Variants in ERCC6L2 observed in about 807,000 individuals in gnomAD.
ERCC6L2 encodes the protein DNA excision repair protein ERCC-6-like 2.
ERCC6L2 carries 77 observed loss-of-function variants against 132.0 expected under a neutral mutation model. The ratio of observed to expected loss-of-function variants is 0.58; its 90% CI spans 0.49 to 0.71. The LOEUF is 0.71. Among genes scored for constraint, ERCC6L2 ranks in the 30% least tolerant of loss-of-function variants. The pLI is 0.00. For synonymous variants in ERCC6L2, 583 were observed against 632.4 expected (o/e 0.92, Z 1.17); for missense variants, 1,542 against 1,837.6 (o/e 0.84, Z 2.94).
chr9:95,907,857 C>CACAAACACACA, intron 4 of ERCC6L2, among the ~76,000 whole-genome samples: 1 of 133,740 alleles, frequency 7.5e-6, no homozygotes, highest in Non-Finnish European at 1.6e-5. Context: ...ACACACACAC[C>CACAAACACACA]CCCACACCCA....
intron 20 of ERCC6L2, among the ~76,000 whole-genome samples, chr9:96,040,925 T>C (rs1273013773): frequency 6.6e-6 from 1 of 152,230 alleles, no homozygotes; most frequent in African/African-American, 2.4e-5. Flanking sequence ...TTGTTTGTCT[T>C]GAGGGAAGTT....
chr9:95,940,359 A>G (rs985650196), intron 11 of ERCC6L2, among the ~76,000 whole-genome samples: 2 of 151,900 alleles, frequency 1.3e-5, no homozygotes, highest in African/African-American at 2.4e-5. Flanking sequence ...ATATATTTTT[A>G]TAGTCTGTGA....
At chr9:95,924,331 G>A (rs867033617) in intron 9 of ERCC6L2, among the ~76,000 whole-genome samples, 1 of 151,714 alleles carries the variant, frequency 6.6e-6, no homozygotes, top group Non-Finnish European at 1.5e-5. Flanking sequence ...AAAGACTATT[G>A]CATTAAAAAC....
intron 19 of ERCC6L2, among the ~76,000 whole-genome samples, chr9:96,036,760 A>AT (rs199913565): frequency 1.4e-4 from 14 of 102,534 alleles, no homozygotes; most frequent in East Asian, 6.0e-4. Context: ...TATTATTATT[A>AT]TTATTTTTAT....
chr9:95,993,326 A>G (rs1833364441), intron 17 of ERCC6L2, among the ~76,000 whole-genome samples: 1 of 152,216 alleles, frequency 6.6e-6, no homozygotes, highest in Non-Finnish European at 1.5e-5. Context: ...TGTAGGAGGA[A>G]TTAAAGGGAA....
In ERCC6L2 at chr9:95,941,519, A is replaced by G. The variant is rs2132878154; in HGVS notation, c.1817A>G (p.Asn606Ser). The G allele has an allele frequency of 6.2e-7, 1 of 1,613,078 alleles. No homozygotes were observed. Among genetic ancestry groups the G allele is most frequent in the Non-Finnish European group, 8.5e-7 (1 of 1,179,444 alleles). The change falls in exon 12 of 19, where the codon AAT (asparagine) becomes AGT (serine). Residue 606 changes from asparagine (N) to serine (S), a missense_variant. By Grantham distance (46) the Asn-to-Ser change is conservative. Transcript: ENST00000653738. Reference sequence around the variant, plus strand: ...GTTGTATTATTTGATCCTACTTGGAATCCAGCCAATGATCTTCAAGCCATT... The same window carrying G: ...GTTGTATTATTTGATCCTACTTGGAGTCCAGCCAATGATCTTCAAGCCATT... The part of the protein sequence containing the change: ...NVVVLFDPTW[N>S]PANDLQAIDR...
chr9:96,003,616 G>C (rs1564298038), intron 17 of ERCC6L2, among the ~76,000 whole-genome samples: 2 of 152,084 alleles, frequency 1.3e-5, no homozygotes, highest in Admixed American at 1.3e-4. Context: ...ATTTCCACAT[G>C]GGTGCTATAG....
At chr9:95,983,694 T>G (rs1007942342) in intron 17 of ERCC6L2, among the ~76,000 whole-genome samples, 1 of 152,246 alleles carries the variant, frequency 6.6e-6, no homozygotes, top group Admixed American at 6.5e-5. Context: ...TTAGGAATTC[T>G]GAATTTTTAT....
rs1834501621 is a variant in ERCC6L2 at position 96,034,823 on chromosome 9, C to T, written c.*1504-4053C>T. On this transcript the variant is annotated intron_variant and NMD_transcript_variant, in intron 19 of 20. Transcript: ENST00000670016. The stretch of plus-strand genomic sequence containing the variant: ...CTGTGGACCCGAGCCTCTCTGTGCT[C>T]TTGGAGGGAGCCAGGAGCAGGCAGG... Among the ~76,000 whole-genome samples the T allele has an allele frequency of 2.0e-5, 3 of 152,134 alleles. No homozygotes were observed. In the East Asian group the frequency reaches 5.8e-4, roughly 30 times the overall value.
At chr9:95,907,961 G>T (rs892282187) in intron 4 of ERCC6L2, among the ~76,000 whole-genome samples, 2 of 151,874 alleles carry the variant, frequency 1.3e-5, no homozygotes, top group African/African-American at 4.8e-5. Context: ...GTATTGGAAG[G>T]TACTTTGAGG....
intron 2 of ERCC6L2, among the ~76,000 whole-genome samples, chr9:95,885,075 C>T (rs1325354414): frequency 2.0e-5 from 3 of 152,144 alleles, no homozygotes; most frequent in African/African-American, 7.2e-5. Flanking sequence ...AATGGAGTCA[C>T]ATAATAACTA....
chr9:95,893,982 G>A (rs1828306961), intron 2 of ERCC6L2, among the ~76,000 whole-genome samples: 2 of 152,072 alleles, frequency 1.3e-5, no homozygotes, highest in African/African-American at 2.4e-5. Flanking sequence ...GACTTACAGT[G>A]GGGTTATGTC....
rs564213783 is a variant in ERCC6L2, at chr9:95,965,685, A to G, written c.1948-877A>G. Among the ~76,000 whole-genome samples, 21 of 151,976 alleles carry G rather than the reference A, an allele frequency of 1.4e-4. No individual in the cohort carries two copies. The South Asian group carries it at 2.9e-3, about 21-fold the overall frequency. The stretch of plus-strand genomic sequence containing the variant: ...CATGCCCAGCTAATTTTTGTATTTT[A>G]GTAGAGAAGGGGTTTCACCACGTCG... On this transcript the variant is annotated intron_variant, in intron 13 of 18. Coordinates refer to ENST00000653738, the MANE Select transcript of ERCC6L2 (RefSeq NM_020207.7).
At chr9:95,986,627 G>C (rs988628324) in intron 17 of ERCC6L2, among the ~76,000 whole-genome samples, 1 of 151,458 alleles carries the variant, frequency 6.6e-6, no homozygotes, top group Admixed American at 6.6e-5. Flanking sequence ...CTCCTGAGTA[G>C]CTGGGACTAC....
chr9:96,016,162 C>T lies in ERCC6L2; in HGVS notation c.*2959C>T, dbSNP rs570982599. ...AGCAAATCCCTTACCTCCTTTTAGC[C>T]TTAGTTTCCCCTTTAAATTGGTGAT... is the stretch of plus-strand genomic sequence containing the variant. On this transcript the variant is annotated 3_prime_UTR_variant, in exon 19 of 19. Coordinates refer to ENST00000653738, the MANE Select transcript of ERCC6L2 (RefSeq NM_020207.7). Among the ~76,000 whole-genome samples the T allele has an allele frequency of 6.6e-6, 1 of 152,294 alleles. No individual in the cohort carries two copies. The highest frequency in any genetic ancestry group is 2.4e-5 in the African/African-American group (1 of 41,570).
rs1829558102 is a variant in ERCC6L2 at position 95,915,834 on chromosome 9, G to A, written c.950+5G>A. ...ACTGTGGTGTGTTATGGACTGGTGA[G>A]AGAAAACACTTTTTAAAAAATTGTT... On this transcript the variant is annotated splice_donor_5th_base_variant and intron_variant, in intron 5 of 18. Coordinates refer to ENST00000653738, the MANE Select transcript of ERCC6L2 (RefSeq NM_020207.7). The A allele has an allele frequency of 6.3e-7, 1 of 1,577,888 alleles. No homozygotes were observed. The highest frequency in any genetic ancestry group is 1.4e-5 in the African/African-American group (1 of 72,752).
intron 17 of ERCC6L2, among the ~76,000 whole-genome samples, chr9:95,992,454 T>C (rs1046050061): frequency 2.0e-5 from 3 of 152,208 alleles, no homozygotes; most frequent in African/African-American, 7.2e-5. Context: ...GGTCTTTCTC[T>C]GTGTGAAAAT....
Position 95,972,332 on chromosome 9 carries a change from C to A in ERCC6L2, c.2581C>A (p.His861Asn). ...TAACATCCTAAATCCAAAAGAAAAGCATATTTTTTATAAAAGTGAGAAGAT... is the reference window on the plus strand; with the variant it reads ...TAACATCCTAAATCCAAAAGAAAAGAATATTTTTTATAAAAGTGAGAAGAT... ...LDNILNPKEK[H>N]IFYKSEKILE... is the part of the protein sequence containing the mutation. Residue 861 changes from histidine to asparagine, a missense_variant, in exon 16 of 19, where the codon CAT becomes AAT. Physicochemically the swap from His to Asn is moderately conservative, Grantham distance 68. This residue lies in a region of ERCC6L2 where 945 missense variants were observed against 1,105.2 expected (regional missense o/e 0.86). Coordinates refer to ENST00000653738, the MANE Select transcript of ERCC6L2 (RefSeq NM_020207.7). The A allele has an allele frequency of 7.8e-7, 1 of 1,289,766 alleles. No individual in the cohort carries two copies. Among genetic ancestry groups the A allele is most frequent in the Non-Finnish European group, 1.0e-6 (1 of 985,116 alleles). The allele number at this position is 1,289,766 out of a possible 1,614,324, so 79.9% of individuals were successfully genotyped here.
At chr9:95,915,974 A>G in intron 5 of ERCC6L2, 145 bp downstream of exon 5, 1 of 848,500 alleles carries the variant, frequency 1.2e-6, no homozygotes, top group Non-Finnish European at 1.8e-6. Context: ...TATACACAGT[A>G]GAGAGTCCCA....
Sources: gnomAD v4.1 joint callset for allele counts (sites outside exome capture counted in the v4.1 genomes callset) on GRCh38, gnomAD v4.1.1 for gene constraint, gnomAD v4.1.1 regional missense constraint, MANE v1.5 for transcripts, NCBI Gene and HGNC (gene_info 2026-07-23, HGNC 2026-07-21) for gene names.